PDE3B: variants seen among roughly 807,000 people sequenced by gnomAD.
PDE3B encodes the protein cGMP-inhibited 3',5'-cyclic phosphodiesterase 3B.
Under a neutral mutation model 116.8 loss-of-function variants are expected in PDE3B, and 66 were observed. That is an observed-to-expected ratio of 0.56 (90% CI 0.46 to 0.69). The LOEUF is 0.69. PDE3B is among the 30% of genes least tolerant of loss of function. PDE3B has a pLI of 0.00. For missense variants in PDE3B, 1,384 were observed against 1,368.1 expected (o/e 1.01, Z -0.18); for synonymous variants, 595 against 533.6 (o/e 1.12, Z -1.59).
chr11:14,859,354 CAAT>C (rs1298086022), intron 13 of PDE3B, 108 bp downstream of exon 13: 13 of 658,366 alleles, frequency 2.0e-5, no homozygotes, highest in East Asian at 5.7e-5. Flanking sequence ...TAGGAAGTAA[CAAT>C]AAATAGTTGA....
At chr11:14,646,993 T>C (rs1220683748) in intron 1 of PDE3B, among the ~76,000 whole-genome samples, 1 of 152,102 alleles carries the variant, frequency 6.6e-6, no homozygotes, top group Admixed American at 6.5e-5. Flanking sequence ...AAAATAATTC[T>C]ATTTTGACAT....
rs1005829472 is a variant in PDE3B at position 14,666,726 on chromosome 11, A to G, written c.978+21673A>G. On this transcript the variant is annotated intron_variant, in intron 1 of 15. Transcript: ENST00000282096. The stretch of plus-strand genomic sequence containing the variant: ...CATCAGAGAAATGCAAATCAAAACC[A>G]CAATGAGATACCATCTCACACCAGT... 2.6e-4 allele frequency among the ~76,000 whole-genome samples: 39 copies of G among 151,838 alleles called. No homozygotes were observed. In the South Asian group the frequency reaches 7.9e-3, roughly 31 times the overall value.
chr11:14,690,157 A>G (rs1407072559), intron 1 of PDE3B, among the ~76,000 whole-genome samples: 1 of 152,202 alleles, frequency 6.6e-6, no homozygotes, highest in Non-Finnish European at 1.5e-5. Context: ...AATGCATCAC[A>G]TTAGAAGTAC....
chr11:14,681,173 A>G (rs1406599674), intron 1 of PDE3B, among the ~76,000 whole-genome samples: 1 of 152,226 alleles, frequency 6.6e-6, no homozygotes, highest in Non-Finnish European at 1.5e-5. Flanking sequence ...TTGAAAGCAC[A>G]CTTTCAAATT....
rs1321112265 is a variant in PDE3B at position 14,786,473 on chromosome 11, C to T, written c.1066C>T (p.Leu356=). 1.9e-6 allele frequency: 3 copies of T among 1,611,998 alleles called. No homozygotes were observed. Among genetic ancestry groups the T allele is most frequent in the Non-Finnish European group, 2.5e-6 (3 of 1,178,564 alleles). ...GGGNGVDLSV[L]NEARNMVSDL... ...TGGAAATGGAGTTGATCTTTCAGTG[C>T]TAAATGAGGCTCGCAATATGGTGTC... is the stretch of plus-strand genomic sequence containing the variant. Residue 356 remains leucine (L), a synonymous_variant, in exon 3 of 16, where the codon CTA becomes TTA. Coordinates refer to ENST00000282096, the MANE Select transcript of PDE3B (RefSeq NM_000922.4).
chr11:14,697,185 G>A (rs1299326606), intron 1 of PDE3B, among the ~76,000 whole-genome samples: 2 of 152,042 alleles, frequency 1.3e-5, no homozygotes, highest in Non-Finnish European at 2.9e-5. Flanking sequence ...GGATCCTCCC[G>A]CCTTGACCTT....
At chr11:14,858,587 T>C (rs1294643496) in intron 12 of PDE3B, among the ~76,000 whole-genome samples, 1 of 152,204 alleles carries the variant, frequency 6.6e-6, no homozygotes, top group Non-Finnish European at 1.5e-5. Context: ...CCCTGGACAG[T>C]ACTGCTTCCT....
chr11:14,781,460 C>A (rs1764101028), intron 2 of PDE3B, among the ~76,000 whole-genome samples: 1 of 152,186 alleles, frequency 6.6e-6, no homozygotes, highest in African/African-American at 2.4e-5. Flanking sequence ...AGCTTATCCA[C>A]CATGATCAAG....
intron 12 of PDE3B, among the ~76,000 whole-genome samples, chr11:14,849,217 A>G (rs1161680910): frequency 6.6e-6 from 1 of 152,258 alleles, no homozygotes; most frequent in Non-Finnish European, 1.5e-5. Context: ...GACAAACCTG[A>G]GAAAAACAAG....
chr11:14,849,301 T>C (rs1324128144), intron 12 of PDE3B, among the ~76,000 whole-genome samples: 3 of 151,776 alleles, frequency 2.0e-5, no homozygotes, highest in Admixed American at 2.0e-4. Flanking sequence ...AAGCTGAAAC[T>C]GGATCCCTTC....
At chr11:14,813,406 C>T (rs568868032) in intron 5 of PDE3B, among the ~76,000 whole-genome samples, 3 of 152,292 alleles carry the variant, frequency 2.0e-5, no homozygotes, top group African/African-American at 7.2e-5. Flanking sequence ...CCCATTACTC[C>T]ATCTTCATTG....
downstream of PDE3B, among the ~76,000 whole-genome samples, chr11:14,875,094 C>A (rs1555009541): frequency 6.6e-6 from 1 of 152,094 alleles, no homozygotes; most frequent in African/African-American, 2.4e-5. Context: ...GCTGCACAAA[C>A]AGAAGGAGAA....
intron 1 of PDE3B, among the ~76,000 whole-genome samples, chr11:14,736,927 G>A (rs2133860362): frequency 6.6e-6 from 1 of 152,266 alleles, no homozygotes; most frequent in Admixed American, 6.5e-5. Context: ...GTCATTAGGA[G>A]TTAGTATGGG....
At chr11:14,735,836 C>T (rs1361346840) in intron 1 of PDE3B, among the ~76,000 whole-genome samples, 2 of 152,114 alleles carry the variant, frequency 1.3e-5, no homozygotes, top group African/African-American at 2.4e-5. Flanking sequence ...TAAAACTGAT[C>T]AAAATCCTTG....
chr11:14,868,214 T>G (rs1848082402), intron 15 of PDE3B, among the ~76,000 whole-genome samples: 1 of 152,174 alleles, frequency 6.6e-6, no homozygotes, highest in East Asian at 1.9e-4. Context: ...TCTTGAGGTG[T>G]TGTCCTCCAG....
chr11:14,762,872 CACTA>C (rs1267425878), intron 1 of PDE3B, among the ~76,000 whole-genome samples: 1 of 152,156 alleles, frequency 6.6e-6, no homozygotes, highest in Non-Finnish European at 1.5e-5. Flanking sequence ...ATGGGATTCC[CACTA>C]ACTGAGATGA....
intron 12 of PDE3B, among the ~76,000 whole-genome samples, chr11:14,845,043 G>A (rs1275908989): frequency 3.3e-5 from 5 of 152,134 alleles, no homozygotes; most frequent in African/African-American, 7.2e-5. Flanking sequence ...CCTCAAGTGG[G>A]TCCCTGACCC....
At chr11:14,798,292 T>C (rs372826160) in intron 4 of PDE3B, among the ~76,000 whole-genome samples, 7 of 152,316 alleles carry the variant, frequency 4.6e-5, no homozygotes, top group African/African-American at 1.7e-4. Flanking sequence ...TACTTGATCG[T>C]GGTGGGTAAG....
At chr11:14,739,485 G>A (rs537217181) in intron 1 of PDE3B, among the ~76,000 whole-genome samples, 2 of 152,296 alleles carry the variant, frequency 1.3e-5, no homozygotes, top group African/African-American at 4.8e-5. Flanking sequence ...TTGCTTATCA[G>A]CTTAAGGAGA....
Sources: allele counts gnomAD v4.1 joint callset (sites outside exome capture counted in the v4.1 genomes callset), GRCh38; gene constraint gnomAD v4.1.1; transcripts MANE v1.5; gene names NCBI Gene and HGNC (gene_info 2026-07-23, HGNC 2026-07-21).